CAPN1: variants seen among roughly 807,000 people sequenced by gnomAD.
The protein encoded by CAPN1 is calpain-1 catalytic subunit.
A neutral mutation model predicts 105.2 loss-of-function variants in CAPN1; 77 were observed. The ratio of observed to expected loss-of-function variants is 0.73; its 90% CI spans 0.61 to 0.88. The LOEUF is 0.88. CAPN1 is among the 40% of genes least tolerant of loss of function. CAPN1 has a pLI of 0.00. For synonymous variants in CAPN1, 355 were observed against 388.8 expected (o/e 0.91, Z 1.02); for missense variants, 833 against 976.6 (o/e 0.85, Z 1.96).
At chr11:65,187,606 G>T in intron 7 of CAPN1, 1 of 490,286 alleles carries the variant, frequency 2.0e-6, no homozygotes, top group South Asian at 2.1e-5. Context: ...GCGTGCATGG[G>T]CCAGGTGCAC....
chr11:65,188,326 G>A lies in CAPN1; in HGVS notation c.930-88G>A, dbSNP rs1363292606. Reference sequence around the variant, plus strand: ...AGGAGGCCACCTGGGCTGGGCCGGGGGAAGACAGGCCAGGGTAGACAGGCC... The same window carrying A: ...AGGAGGCCACCTGGGCTGGGCCGGGAGAAGACAGGCCAGGGTAGACAGGCC... On this transcript the variant is annotated intron_variant, in intron 8 of 21. Transcript: ENST00000279247. The surrounding 1 kb of genome is among the most constrained non-coding windows in gnomAD (Gnocchi z 5.5). The A allele has an allele frequency of 1.4e-5, 17 of 1,238,624 alleles. No homozygotes were observed. The highest frequency in any genetic ancestry group is 1.8e-5 in the Non-Finnish European group (16 of 872,674). The allele number at this position is 1,238,624 out of a possible 1,614,324, so 76.7% of individuals were successfully genotyped here.
At chr11:65,204,555 T>C in intron 10 of CAPN1, 128 bp from the exon 11 acceptor site, 1 of 848,404 alleles carries the variant, frequency 1.2e-6, no homozygotes, top group Non-Finnish European at 1.8e-6. Context: ...TCACCCTGCA[T>C]GTTCCAGGTG....
At position 65,208,226 on chromosome 11, in the gene CAPN1, GA is replaced by G; in HGVS notation, c.1694del (p.Glu565GlyfsTer23). On this transcript the variant is annotated frameshift_variant, in exon 16 of 22. Coordinates refer to ENST00000279247, the MANE Select transcript of CAPN1 (RefSeq NM_005186.4). LOFTEE classifies it high-confidence loss of function. This position sits in a 1 kb window ranked among gnomAD's most constrained non-coding sequence, Gnocchi z 4.1. ...AGEDMEISVKELRTILNRIIS... is the reference protein window; with the variant it reads ...AGEDMEISVKXLRTILNRIIS... Reference sequence around the variant, plus strand: ...CCAGGACATGGAGATCAGCGTGAAGGAGTTGCGGACAATCCTCAATAGGATC... The same window carrying G: ...CCAGGACATGGAGATCAGCGTGAAGGGTTGCGGACAATCCTCAATAGGATC... 1 of 1,576,734 alleles carries G rather than the reference GA, an allele frequency of 6.3e-7. No individual in the cohort carries two copies. Among genetic ancestry groups the G allele is most frequent in the South Asian group, 1.2e-5 (1 of 85,984 alleles).
intron 10 of CAPN1, among the ~76,000 whole-genome samples, chr11:65,189,424 C>T (rs928526910): frequency 7.2e-5 from 11 of 152,284 alleles, no homozygotes; most frequent in South Asian, 2.1e-4. Flanking sequence ...CACTGCAGCA[C>T]GCTTTTTCTC....
chr11:65,200,016 T>C (rs924870714), intron 10 of CAPN1, among the ~76,000 whole-genome samples: 2 of 152,214 alleles, frequency 1.3e-5, no homozygotes, highest in African/African-American at 4.8e-5. Context: ...GCTAGTCACC[T>C]GGAATGCCAC....
intron 1 of CAPN1, chr11:65,182,262 T>G: frequency 2.4e-5 from 2 of 84,038 alleles, no homozygotes; most frequent in Non-Finnish European, 2.6e-5. Flanking sequence ...ACCCCGACCG[T>G]CTGGGGTTTT....
chr11:65,189,900 C>T (rs867589064), intron 10 of CAPN1, among the ~76,000 whole-genome samples: 2 of 152,308 alleles, frequency 1.3e-5, no homozygotes, highest in Middle Eastern at 3.4e-3. Context: ...CGGGCCTGGC[C>T]TTGCACTTCA....
At position 65,210,899 on chromosome 11, in the gene CAPN1, G is replaced by A; in HGVS notation, c.2118+27G>A. 3 of 1,578,366 alleles carry A rather than the reference G, an allele frequency of 1.9e-6. No homozygotes were observed. The highest frequency in any genetic ancestry group is 2.6e-6 in the Non-Finnish European group (3 of 1,147,926). On this transcript the variant is annotated intron_variant, in intron 21 of 21. Coordinates refer to ENST00000279247, the MANE Select transcript of CAPN1 (RefSeq NM_005186.4). This position sits in a 1 kb window ranked among gnomAD's most constrained non-coding sequence, Gnocchi z 4.3. ...TGGGAACCTCCCTGGGCCCATGGTTGGGGAAGAGTTCCAGGCGATCGAATT... is the reference window on the plus strand; with the variant it reads ...TGGGAACCTCCCTGGGCCCATGGTTAGGGAAGAGTTCCAGGCGATCGAATT...
chr11:65,192,618 TTTTTTC>T (rs1163102927), intron 10 of CAPN1, among the ~76,000 whole-genome samples: 4 of 142,522 alleles, frequency 2.8e-5, no homozygotes, highest in African/African-American at 7.6e-5. Flanking sequence ...TTTTCTTTTG[TTTTTTC>T]TTTTTCTTTT....
chr11:65,188,248 ACTGG>A lies in CAPN1; in HGVS notation c.930-164_930-161del, dbSNP rs1368913607. 7.2e-6 allele frequency: 5 copies of A among 699,102 alleles called. No homozygotes were observed. The highest frequency in any genetic ancestry group is 1.2e-5 in the Non-Finnish European group (5 of 417,670). The allele number at this position is 699,102 out of a possible 1,614,324, so 43.3% of individuals were successfully genotyped here. On this transcript the variant is annotated intron_variant, in intron 8 of 21. Coordinates refer to ENST00000279247, the MANE Select transcript of CAPN1 (RefSeq NM_005186.4). The surrounding 1 kb of genome is among the most constrained non-coding windows in gnomAD (Gnocchi z 5.5). The stretch of plus-strand genomic sequence containing the variant: ...CCGTCGGGTGTGTGCAGGGCATCAG[ACTGG>A]CCCTGATGAGACCACCCCCTAGAAG...
chr11:65,183,635 A>G (rs1590847528), intron 4 of CAPN1, 43 bp downstream of exon 4: 1 of 1,352,690 alleles, frequency 7.4e-7, no homozygotes, highest in South Asian at 1.2e-5. Flanking sequence ...GCACTGGGGG[A>G]GATGCGGAAG....
intron 12 of CAPN1, chr11:65,206,157 C>A: frequency 1.8e-6 from 1 of 544,206 alleles, no homozygotes; most frequent in Non-Finnish European, 3.3e-6. Flanking sequence ...TGCCGAGTAC[C>A]CTGCAGTACC....
chr11:65,189,998 C>T (rs902913857), intron 10 of CAPN1, among the ~76,000 whole-genome samples: 19 of 152,288 alleles, frequency 1.2e-4, no homozygotes, highest in Middle Eastern at 3.4e-3. Flanking sequence ...GTGTCCTCAT[C>T]GCCTCCCCAC....
At position 65,188,672 on chromosome 11, in the gene CAPN1, G is replaced by A. The variant is rs887910602; in HGVS notation, c.1091G>A (p.Arg364His). ...GACGCCCTCAAGAGCCGGACCATCC[G>A]CAAATGGAACACCACACTCTACGAA... ...TPDALKSRTI[R>H]KWNTTLYEGT... The change falls in exon 10 of 22, where the codon CGC becomes CAC. Residue 364 changes from arginine to histidine, a missense_variant. Arg to His is a conservative substitution (Grantham distance 29). Transcript: ENST00000279247. This position sits in a 1 kb window ranked among gnomAD's most constrained non-coding sequence, Gnocchi z 5.5. The A allele has an allele frequency of 9.3e-6, 15 of 1,613,462 alleles. No homozygotes were observed. The highest frequency in any genetic ancestry group is 4.5e-5 in the East Asian group (2 of 44,848).
At chr11:65,187,883 C>A in intron 7 of CAPN1, 72 bp from the exon 8 acceptor site, 1 of 1,095,004 alleles carries the variant, frequency 9.1e-7, no homozygotes, top group Non-Finnish European at 1.4e-6. Context: ...CAGAGCAAGA[C>A]TCTGTCTCAA....
In CAPN1 at chr11:65,188,658, G is replaced by A. The variant is rs574738402; in HGVS notation, c.1077G>A (p.Lys359=). ...EICNLTPDAL[K]SRTIRKWNTT... is the part of the protein sequence containing the mutation. Reference sequence around the variant, plus strand: ...GCAACCTCACACCCGACGCCCTCAAGAGCCGGACCATCCGCAAATGGAACA... The same window carrying A: ...GCAACCTCACACCCGACGCCCTCAAAAGCCGGACCATCCGCAAATGGAACA... Residue 359 remains lysine (K), a synonymous_variant, in exon 10 of 22, where the codon AAG becomes AAA. Coordinates refer to ENST00000279247, the MANE Select transcript of CAPN1 (RefSeq NM_005186.4). The surrounding 1 kb of genome is among the most constrained non-coding windows in gnomAD (Gnocchi z 5.5). 1 of 1,613,930 alleles carries A rather than the reference G, an allele frequency of 6.2e-7. No homozygotes were observed. The highest frequency in any genetic ancestry group is 1.3e-5 in the African/African-American group (1 of 75,040).
rs1170625831 is a variant in CAPN1 at position 65,210,583 on chromosome 11, G to A, written c.2059+131G>A. The A allele has an allele frequency of 1.4e-6, 1 of 731,674 alleles. No homozygotes were observed. The highest frequency in any genetic ancestry group is 2.4e-6 in the Non-Finnish European group (1 of 420,824). The allele number at this position is 731,674 out of a possible 1,614,324, so 45.3% of individuals were successfully genotyped here. On this transcript the variant is annotated intron_variant, in intron 20 of 21. Transcript: ENST00000279247. The surrounding 1 kb of genome is among the most constrained non-coding windows in gnomAD (Gnocchi z 4.3). ...TGTGGGTGTGTGCCAGAGAGGCCTG[G>A]GTCTGGGTTTGGGGGGCCCTGGCTG...
At position 65,197,478 on chromosome 11, in the gene CAPN1, T is replaced by G. The variant is rs892971303; in HGVS notation, c.1166-7205T>G. Among the ~76,000 whole-genome samples the G allele has an allele frequency of 3.9e-5, 6 of 152,204 alleles. No individual in the cohort carries two copies. The East Asian group carries it at 9.6e-4, about 24-fold the overall frequency. On this transcript the variant is annotated intron_variant, in intron 10 of 21. Coordinates refer to ENST00000279247, the MANE Select transcript of CAPN1 (RefSeq NM_005186.4). ...CTATAGCTAATTCAGGGTTTTTTTT[T>G]GTTGAATTTTTAAAATATATCTTTT...
chr11:65,204,575 A>G, intron 10 of CAPN1, 108 bp from the exon 11 acceptor site: 3 of 1,001,550 alleles, frequency 3.0e-6, no homozygotes, highest in South Asian at 3.0e-5. Context: ...GCTCAATAAT[A>G]TTTGTTGAAT....
Sources: allele counts gnomAD v4.1 joint callset (sites outside exome capture counted in the v4.1 genomes callset), GRCh38; gene constraint gnomAD v4.1.1; non-coding constraint Gnocchi (gnomAD v3.1); transcripts MANE v1.5; gene names NCBI Gene and HGNC (gene_info 2026-07-23, HGNC 2026-07-21).